MYO15A: variants seen among roughly 807,000 people sequenced by gnomAD.
MYO15A encodes myosin XVA, also known as unconventional myosin-XV.
MYO15A carries 308 observed loss-of-function variants against 394.6 expected under a neutral mutation model. The ratio of observed to expected loss-of-function variants is 0.78; its 90% CI spans 0.71 to 0.86. The LOEUF is 0.86. MYO15A is among the 40% of genes least tolerant of loss of function. The probability of loss-of-function intolerance (pLI) is 0.00; values close to 1 mark genes in which losing one functional copy is unlikely to be tolerated. For synonymous variants in MYO15A, 1,957 were observed against 2,003.8 expected, an observed-to-expected ratio of 0.98 and a Z score of 0.62; for missense variants, 4,606 against 4,799.1, an observed-to-expected ratio of 0.96 and a Z score of 1.19.
chr17:18,139,391 C>T (rs1597789628), intron 18 of MYO15A, 143 bp from the exon 19 acceptor site: 11 of 986,348 alleles, frequency 1.1e-5, no homozygotes, highest in Middle Eastern at 2.1e-4. Flanking sequence ...GAAGCCATGG[C>T]GAATGCTCCC....
Position 18,153,827 on chromosome 17 carries a change from G to T in MYO15A, c.8019G>T (p.Leu2673=). ...EPPEELTQTR[L]HRLINPNFYG... is the part of the protein sequence containing the mutation. Reference sequence around the variant, plus strand: ...CTGAGGAACTCACGCAGACGCGGCTGCACCGCCTCATCAATCCCAACTTCT... The same window carrying T: ...CTGAGGAACTCACGCAGACGCGGCTTCACCGCCTCATCAATCCCAACTTCT... Residue 2673 remains leucine, a synonymous_variant, in exon 43 of 66, where the codon CTG becomes CTT. Coordinates refer to ENST00000647165, the MANE Select transcript of MYO15A (RefSeq NM_016239.4). The surrounding 1 kb of genome is among the most constrained non-coding windows in gnomAD (Gnocchi z 4.1). The T allele has an allele frequency of 6.2e-7, 1 of 1,613,590 alleles. No homozygotes were observed. Among genetic ancestry groups the T allele is most frequent in the Non-Finnish European group, 8.5e-7 (1 of 1,179,976 alleles).
In MYO15A at chr17:18,120,855, G is replaced by C. The variant is rs912974134; in HGVS notation, c.2055G>C (p.Ser685=). The C allele has an allele frequency of 7.5e-6, 9 of 1,203,694 alleles. No homozygotes were observed. The highest frequency in any genetic ancestry group is 8.7e-5 in the Admixed American group (2 of 23,084). The allele number at this position is 1,203,694 out of a possible 1,614,324, so 74.6% of individuals were successfully genotyped here. Residue 685 remains serine, a synonymous_variant, in exon 2 of 66, where the codon TCG becomes TCC. Transcript: ENST00000647165. ...PPAPPLSPAL[S]GLPRPASPYG... is the part of the protein sequence containing the mutation. ...CGCCGCCGCTCTCCCCGGCGCTCTC[G>C]GGCCTGCCCCGGCCGGCCTCGCCCT...
intron 38 of MYO15A, 36 bp from the exon 39 acceptor site, chr17:18,151,074 C>G: frequency 3.1e-6 from 5 of 1,612,516 alleles, no homozygotes; most frequent in Non-Finnish European, 4.2e-6. Context: ...CCTGGTATAT[C>G]CCAGGCAGCC....
In MYO15A at chr17:18,147,908, T is replaced by C. The variant is rs1380149085; in HGVS notation, c.6510-121T>C. 7 of 1,281,154 alleles carry C rather than the reference T, an allele frequency of 5.5e-6. No individual in the cohort carries two copies. The highest frequency in any genetic ancestry group is 7.9e-6 in the Non-Finnish European group (7 of 891,082). 79.4% of individuals were successfully genotyped at this position (1,281,154 alleles called of 1,614,324 possible). On this transcript the variant is annotated intron_variant, in intron 30 of 65. Coordinates refer to ENST00000647165, the MANE Select transcript of MYO15A (RefSeq NM_016239.4). The surrounding 1 kb of genome is among the most constrained non-coding windows in gnomAD (Gnocchi z 4.4). Reference sequence around the variant, plus strand: ...AGCCTTTTTAGCCTCACCTTGGAGCTCTGGAGTAGCCTGGGCCTTTCTCAG... The same window carrying C: ...AGCCTTTTTAGCCTCACCTTGGAGCCCTGGAGTAGCCTGGGCCTTTCTCAG...
chr17:18,156,355 A>T lies in MYO15A; in HGVS notation c.8601+19A>T. ...GAAGAAGGTCAGGATCTTCTCACAG[A>T]TCTTCCCTCCACCCAGGCTGAGGGC... On this transcript the variant is annotated intron_variant, in intron 48 of 65. Transcript: ENST00000647165. 6.2e-7 allele frequency: 1 copy of T among 1,613,604 alleles called. No homozygotes were observed.
At position 18,150,852 on chromosome 17, in the gene MYO15A, T is replaced by C. The variant is rs969622218; in HGVS notation, c.7412T>C (p.Leu2471Pro). The C allele has an allele frequency of 1.3e-6, 2 of 1,596,234 alleles. No individual in the cohort carries two copies. Among genetic ancestry groups the C allele is most frequent in the Non-Finnish European group, 1.7e-6 (2 of 1,171,620 alleles). ...QAVLLAREMTLQATALQQQPL... is the reference protein window; with the variant it reads ...QAVLLAREMTPQATALQQQPL... ...TCTCCCCAGGCCCGGGAGATGACCC[T>C]GCAGGCCACGGCACTCCAGCAGCAG... Residue 2471 changes from leucine (L) to proline (P), a missense_variant, in exon 38 of 66, where the codon CTG (leucine) becomes CCG (proline). Coordinates refer to ENST00000647165, the MANE Select transcript of MYO15A (RefSeq NM_016239.4). The surrounding 1 kb of genome is among the most constrained non-coding windows in gnomAD (Gnocchi z 4.4).
intron 64 of MYO15A, chr17:18,172,744 C>G (rs937179807): frequency 8.6e-5 from 25 of 289,878 alleles, no homozygotes; most frequent in Middle Eastern, 1.2e-3. Flanking sequence ...ACCCTGGTAT[C>G]TCTGTGTATC....
rs1000192619 is a variant in MYO15A at position 18,153,460 on chromosome 17, G to A, written c.7967-315G>A. On this transcript the variant is annotated intron_variant, in intron 42 of 65. Transcript: ENST00000647165. The surrounding 1 kb of genome is among the most constrained non-coding windows in gnomAD (Gnocchi z 4.1). ...GCCTGTAATCCCAGCACTTTGGGAG[G>A]CCGAGGCGGGCGGACCACCTGAGGT... 1 of 157,502 alleles carries A rather than the reference G, an allele frequency of 6.3e-6. No homozygotes were observed. The highest frequency in any genetic ancestry group is 1.4e-5 in the Non-Finnish European group (1 of 73,504). 9.8% of individuals were successfully genotyped at this position (157,502 alleles called of 1,614,324 possible).
intron 17 of MYO15A, 94 bp from the exon 18 acceptor site, chr17:18,138,717 G>A (rs2046324233): frequency 2.0e-6 from 3 of 1,521,480 alleles, no homozygotes; most frequent in Non-Finnish European, 2.7e-6. Flanking sequence ...CTGGTGCTCA[G>A]TTGGGAGCAG....
chr17:18,159,520 A>G (rs1597812192), intron 54 of MYO15A, 86 bp from the exon 55 acceptor site: 2 of 1,412,568 alleles, frequency 1.4e-6, no homozygotes, highest in East Asian at 5.3e-5. Flanking sequence ...CAAGGCTCCC[A>G]GGGAGGGGCT....
chr17:18,150,366 G>T lies in MYO15A; in HGVS notation c.7213-63G>T. 8.1e-6 allele frequency: 12 copies of T among 1,484,114 alleles called. No homozygotes were observed. Among genetic ancestry groups the T allele is most frequent in the Non-Finnish European group, 1.1e-5 (12 of 1,063,570 alleles). The allele number at this position is 1,484,114 out of a possible 1,614,324, so 91.9% of individuals were successfully genotyped here. On this transcript the variant is annotated intron_variant, in intron 35 of 65. Coordinates refer to ENST00000647165, the MANE Select transcript of MYO15A (RefSeq NM_016239.4). The surrounding 1 kb of genome is among the most constrained non-coding windows in gnomAD (Gnocchi z 4.4). ...GGGAAGAGGCCAGTGTCAGGTGCCT[G>T]TTGCCATGGAACCTTGGGAGTACAA...
intron 62 of MYO15A, chr17:18,169,413 G>T (rs1291298340): frequency 6.6e-6 from 1 of 151,470 alleles, no homozygotes; most frequent in Non-Finnish European, 1.5e-5. Flanking sequence ...TCATGCCATT[G>T]CACTCCAGCC....
At chr17:18,176,297 C>G (rs972500563) in intron 65 of MYO15A, among the ~76,000 whole-genome samples, 1 of 152,004 alleles carries the variant, frequency 6.6e-6, no homozygotes, top group African/African-American at 2.4e-5. Context: ...GGAGGCCTCA[C>G]GAAGCTTTTA....
At chr17:18,171,154 G>A (rs2046935253) in intron 62 of MYO15A, among the ~76,000 whole-genome samples, 3 of 152,202 alleles carry the variant, frequency 2.0e-5, no homozygotes. Context: ...AAGAGGGCTG[G>A]GGCAAGCTGA....
rs377015931 is a variant in MYO15A, at chr17:18,157,155, G to A, written c.8714-1G>A. ...GATGCTGACCCGAGCCTGGCCCATA[G>A]GCTACAGTGCTGGCTGCGTGGTTCG... On this transcript the variant is annotated splice_acceptor_variant, in intron 49 of 65. Coordinates refer to ENST00000647165, the MANE Select transcript of MYO15A (RefSeq NM_016239.4). LOFTEE classifies it high-confidence loss of function. 1.3e-5 allele frequency: 21 copies of A among 1,611,036 alleles called. No individual in the cohort carries two copies. In the African/African-American group the frequency reaches 2.5e-4, roughly 19 times the overall value.
chr17:18,146,167 A>C, intron 30 of MYO15A, 60 bp downstream of exon 30: 2 of 1,538,356 alleles, frequency 1.3e-6, no homozygotes, highest in Non-Finnish European at 8.9e-7. Flanking sequence ...AGTGGAGCCC[A>C]AGGCAGGGTC....
At chr17:18,171,386 A>C in intron 62 of MYO15A, among the ~76,000 whole-genome samples, 1 of 152,198 alleles carries the variant, frequency 6.6e-6, no homozygotes, top group East Asian at 1.9e-4. Flanking sequence ...TGAACTAGTC[A>C]GTGAACTTCT....
intron 7 of MYO15A, among the ~76,000 whole-genome samples, chr17:18,129,237 C>T (rs979848540): frequency 6.6e-6 from 1 of 152,232 alleles, no homozygotes; most frequent in African/African-American, 2.4e-5. Flanking sequence ...TCTGCCCTGA[C>T]TGGCTAAGGC....
Position 18,154,689 on chromosome 17 carries a change from G to T in MYO15A, c.8158G>T (p.Asp2720Tyr). Residue 2720 changes from aspartate to tyrosine, a missense_variant, in exon 45 of 66, where the codon GAC becomes TAC. Asp to Tyr is a radical substitution (Grantham distance 160). This residue lies in a region of MYO15A where 2,776 missense variants were observed against 3,109.3 expected (regional missense o/e 0.89). Transcript: ENST00000647165. ...LDLLFRQILHDTLSEACLRIS... is the reference protein window; with the variant it reads ...LDLLFRQILHYTLSEACLRIS... ...CAGCCTGTTCCCACAGATCCTGCAC[G>T]ACACGCTCTCCGAGGCCTGCCTTCG... 6.2e-7 allele frequency: 1 copy of T among 1,613,492 alleles called. No individual in the cohort carries two copies.
Sources: gnomAD v4.1 joint callset for allele counts (sites outside exome capture counted in the v4.1 genomes callset) on GRCh38, gnomAD v4.1.1 for gene constraint, gnomAD v4.1.1 regional missense constraint, Gnocchi (gnomAD v3.1) non-coding constraint, MANE v1.5 for transcripts, NCBI Gene and HGNC (gene_info 2026-07-23, HGNC 2026-07-21) for gene names.